The following TRMT11 variants were observed in gnomAD, a reference collection of about 807,000 sequenced individuals.
The protein encoded by TRMT11 is tRNA methyltransferase 11.
TRMT11 carries 53 observed loss-of-function variants against 62.8 expected under a neutral mutation model. The ratio of observed to expected loss-of-function variants is 0.84; its 90% CI spans 0.68 to 1.06. The LOEUF (loss-of-function observed/expected upper bound fraction) is 1.06. TRMT11 is among the 50% of genes least tolerant of loss of function. The pLI, the probability that TRMT11 is intolerant of heterozygous loss-of-function variation, is 0.00. For missense variants in TRMT11, 556 were observed against 553.4 expected (o/e 1.00, Z -0.05); for synonymous variants, 188 against 190.3 (o/e 0.99, Z 0.10).
chr6:126,061,377 A>C (rs550694540), intron 17 of TRMT11, among the ~76,000 whole-genome samples: 1 of 152,316 alleles, frequency 6.6e-6, no homozygotes, highest in East Asian at 1.9e-4. Context: ...TATAGTTCTT[A>C]AACTTTTGTT....
At chr6:125,988,186 T>C (rs1789989802) in intron 1 of TRMT11, among the ~76,000 whole-genome samples, 1 of 152,194 alleles carries the variant, frequency 6.6e-6, no homozygotes, top group Admixed American at 6.5e-5. Context: ...GAGAAAAGAA[T>C]GAAAAAGTGT....
rs544524013 is a variant in TRMT11, at chr6:125,994,114, T to A, written c.138+292T>A. On this transcript the variant is annotated intron_variant, in intron 2 of 12. Coordinates refer to ENST00000334379, the MANE Select transcript of TRMT11 (RefSeq NM_001031712.3). ...TGGTGAGCTGTGTTTAGAATTTGAATTTAGAATTTGGCAGAATGTTGGGCT... is the reference window on the plus strand; with the variant it reads ...TGGTGAGCTGTGTTTAGAATTTGAAATTAGAATTTGGCAGAATGTTGGGCT... 3.3e-5 allele frequency among the ~76,000 whole-genome samples: 5 copies of A among 152,318 alleles called. No homozygotes were observed. In the East Asian group the frequency reaches 9.6e-4, roughly 29 times the overall value.
chr6:126,223,348 G>A, the TRMT11 span, among the ~76,000 whole-genome samples: 1 of 152,134 alleles, frequency 6.6e-6, no homozygotes, highest in Admixed American at 6.5e-5. Flanking sequence ...ATGAACCCGG[G>A]AGGTGGAGCT....
At chr6:126,010,213 G>A (rs1161642427) in intron 8 of TRMT11, among the ~76,000 whole-genome samples, 1 of 151,738 alleles carries the variant, frequency 6.6e-6, no homozygotes, top group Non-Finnish European at 1.5e-5. Flanking sequence ...CGCTAACAAA[G>A]GCCACAGATT....
chr6:125,990,721 G>T (rs1431563821), intron 1 of TRMT11, among the ~76,000 whole-genome samples: 1 of 152,044 alleles, frequency 6.6e-6, no homozygotes, highest in Non-Finnish European at 1.5e-5. Context: ...TTTTTTTCAG[G>T]GATTGAGGCA....
intron 17 of TRMT11, among the ~76,000 whole-genome samples, chr6:126,072,172 C>T (rs1480565989): frequency 6.6e-6 from 1 of 152,170 alleles, no homozygotes; most frequent in Non-Finnish European, 1.5e-5. Context: ...TATTTACTCA[C>T]TGTTCCTTCC....
chr6:126,096,147 A>G (rs1777337327), intron 17 of TRMT11, among the ~76,000 whole-genome samples: 1 of 152,162 alleles, frequency 6.6e-6, no homozygotes, highest in South Asian at 2.1e-4. Flanking sequence ...TTTTCTTGGA[A>G]GGTAACTTGA....
At chr6:126,179,615 A>G (rs1778433029) in intron 1 of TRMT11, among the ~76,000 whole-genome samples, 1 of 152,156 alleles carries the variant, frequency 6.6e-6, no homozygotes, top group East Asian at 1.9e-4. Flanking sequence ...AAATCAAAAT[A>G]TGGCATTTCT....
At chr6:126,188,253 A>C (rs566826339) in intron 1 of TRMT11, among the ~76,000 whole-genome samples, 6 of 152,210 alleles carry the variant, frequency 3.9e-5, no homozygotes, top group African/African-American at 2.4e-5. Flanking sequence ...CAAGATTCAC[A>C]TCTAGAATAG....
chr6:126,183,359 TA>T (rs1477406235), intron 1 of TRMT11, among the ~76,000 whole-genome samples: 1 of 152,110 alleles, frequency 6.6e-6, no homozygotes, highest in African/African-American at 2.4e-5. Flanking sequence ...TCTTCTGTAA[TA>T]AGGCCCAGAT....
chr6:125,999,511 T>G lies in TRMT11; in HGVS notation c.577T>G (p.Phe193Val). 1 of 1,611,850 alleles carries G rather than the reference T, an allele frequency of 6.2e-7. No homozygotes were observed. Among genetic ancestry groups the G allele is most frequent in the Non-Finnish European group, 8.5e-7 (1 of 1,178,912 alleles). The change falls in exon 7 of 13, where the codon TTT (phenylalanine) becomes GTT (valine). Residue 193 changes from phenylalanine to valine, a missense_variant. Transcript: ENST00000334379. ...GTCATACAGTGTCAAAAAGAGACAC[T>G]TTATTGGAAATACAAGTATGGATGC... ...IESYSVKKRH[F>V]IGNTSMDAGL...
intron 7 of TRMT11, among the ~76,000 whole-genome samples, chr6:126,004,486 A>G (rs1170194855): frequency 5.9e-5 from 9 of 152,158 alleles, no homozygotes; most frequent in African/African-American, 2.2e-4. Context: ...TTGTTTTGAA[A>G]CATAATAACC....
At chr6:126,247,220 G>T in the TRMT11 span, among the ~76,000 whole-genome samples, 1 of 152,196 alleles carries the variant, frequency 6.6e-6, no homozygotes. Flanking sequence ...GAATAGGACT[G>T]CATGCTGGCA....
chr6:126,038,633 A>C, intron 12 of TRMT11, 72 bp from the exon 13 acceptor site: 2 of 1,371,444 alleles, frequency 1.5e-6, no homozygotes, highest in Non-Finnish European at 9.7e-7. Flanking sequence ...ATTTTGCTTA[A>C]GGTAAACAAC....
chr6:126,011,493 C>A, intron 9 of TRMT11, 76 bp downstream of exon 9: 2 of 1,268,874 alleles, frequency 1.6e-6, no homozygotes, highest in Non-Finnish European at 2.2e-6. Context: ...ACAAAATTTA[C>A]CAACACATGC....
At chr6:126,167,539 G>C (rs1167474626) in intron 21 of TRMT11, among the ~76,000 whole-genome samples, 1 of 152,180 alleles carries the variant, frequency 6.6e-6, no homozygotes, top group Non-Finnish European at 1.5e-5. Context: ...GGGAGCTGCA[G>C]ACCAGAGCTC....
chr6:126,057,050 T>C (rs1412002036), intron 17 of TRMT11, among the ~76,000 whole-genome samples: 2 of 152,216 alleles, frequency 1.3e-5, no homozygotes, highest in African/African-American at 4.8e-5. Flanking sequence ...CTATGCCTTT[T>C]GTATGTTTCT....
At chr6:126,222,015 A>G in the TRMT11 span, among the ~76,000 whole-genome samples, 1 of 152,224 alleles carries the variant, frequency 6.6e-6, no homozygotes, top group East Asian at 1.9e-4. Context: ...GTCCAGTATC[A>G]GTCTTCTGCA....
At chr6:126,164,045 A>G (rs1324840952) in intron 21 of TRMT11, among the ~76,000 whole-genome samples, 1 of 152,096 alleles carries the variant, frequency 6.6e-6, no homozygotes, top group Non-Finnish European at 1.5e-5. Context: ...TTGCTTCTCT[A>G]GTTATTTTAA....
Sources: allele counts gnomAD v4.1 joint callset (sites outside exome capture counted in the v4.1 genomes callset), GRCh38; gene constraint gnomAD v4.1.1; transcripts MANE v1.5; gene names NCBI Gene and HGNC (gene_info 2026-07-23, HGNC 2026-07-21).